The following KCNB2 variants were observed in gnomAD, a reference collection of about 807,000 sequenced individuals.
KCNB2 encodes delayed rectifier potassium channel protein.
KCNB2 carries 15 observed loss-of-function variants against 61.5 expected under a neutral mutation model. That is an observed-to-expected ratio of 0.24 (90% CI 0.16 to 0.38). The LOEUF is 0.38. Among genes scored for constraint, KCNB2 ranks in the 10% least tolerant of loss-of-function variants. KCNB2 has a pLI of 1.00. For missense variants in KCNB2, 828 were observed against 1,125.2 expected (o/e 0.74, Z 3.78); for synonymous variants, 457 against 446.0 (o/e 1.02, Z -0.31).
intron 2 of KCNB2, among the ~76,000 whole-genome samples, chr8:72,754,027 T>C (rs927341260): frequency 2.0e-5 from 3 of 152,042 alleles, no homozygotes; most frequent in Non-Finnish European, 4.4e-5. Flanking sequence ...AGAGTCTCCC[T>C]GGGAAAGTAC....
intron 2 of KCNB2, among the ~76,000 whole-genome samples, chr8:72,882,402 T>C (rs1460666305): frequency 1.3e-5 from 2 of 152,138 alleles, no homozygotes; most frequent in East Asian, 3.9e-4. Context: ...GAGGTCACAG[T>C]TCATCACGCG....
intron 2 of KCNB2, among the ~76,000 whole-genome samples, chr8:72,723,334 T>C (rs533015694): frequency 3.0e-4 from 46 of 152,270 alleles, no homozygotes; most frequent in African/African-American, 7.5e-4. Flanking sequence ...TAAAATGGGG[T>C]AACACTAGAA....
At chr8:72,716,598 A>G (rs1167203734) in intron 2 of KCNB2, among the ~76,000 whole-genome samples, 1 of 151,002 alleles carries the variant, frequency 6.6e-6, no homozygotes, top group Non-Finnish European at 1.5e-5. Flanking sequence ...AAAGGCCTTT[A>G]ACAAAATTCA....
intron 2 of KCNB2, among the ~76,000 whole-genome samples, chr8:72,821,845 C>T (rs1308701321): frequency 6.6e-6 from 1 of 152,122 alleles, no homozygotes; most frequent in African/African-American, 2.4e-5. Context: ...GAGGGAAGGA[C>T]GGAGACAGAG....
chr8:72,830,858 C>T (rs1809682024), intron 2 of KCNB2, among the ~76,000 whole-genome samples: 1 of 152,206 alleles, frequency 6.6e-6, no homozygotes, highest in Admixed American at 6.5e-5. Flanking sequence ...ACACGAGGCT[C>T]ATGCCTGATC....
At chr8:72,601,912 A>C (rs550407708) in intron 2 of KCNB2, among the ~76,000 whole-genome samples, 1 of 152,360 alleles carries the variant, frequency 6.6e-6, no homozygotes, top group East Asian at 1.9e-4. Context: ...GAAGCTCCAC[A>C]GGCCTGCACA....
intron 2 of KCNB2, among the ~76,000 whole-genome samples, chr8:72,753,007 A>G (rs759256319): frequency 1.7e-4 from 26 of 152,216 alleles, no homozygotes; most frequent in Non-Finnish European, 3.5e-4. Context: ...ACCTCAGTCT[A>G]TGAATCAAAA....
intron 2 of KCNB2, among the ~76,000 whole-genome samples, chr8:72,843,027 T>G (rs1298657925): frequency 6.6e-6 from 1 of 152,170 alleles, no homozygotes; most frequent in Non-Finnish European, 1.5e-5. Context: ...ATTGTGACAT[T>G]AGGGTGTCAA....
At chr8:72,664,176 AGC>A (rs1806427739) in intron 2 of KCNB2, among the ~76,000 whole-genome samples, 1 of 152,206 alleles carries the variant, frequency 6.6e-6, no homozygotes, top group Non-Finnish European at 1.5e-5. Context: ...GTCTTTGTCC[AGC>A]GGATACCCTG....
intron 2 of KCNB2, among the ~76,000 whole-genome samples, chr8:72,741,175 T>C (rs1473993760): frequency 6.6e-6 from 1 of 152,190 alleles, no homozygotes; most frequent in African/African-American, 2.4e-5. Flanking sequence ...AAGACCAGAT[T>C]TGGAGCCTGC....
intron 2 of KCNB2, among the ~76,000 whole-genome samples, chr8:72,593,191 T>C (rs1196105229): frequency 6.6e-6 from 1 of 152,218 alleles, no homozygotes; most frequent in Admixed American, 6.5e-5. Context: ...CTACATCCTT[T>C]AAAGTTTGTG....
chr8:72,936,801 C>A lies in KCNB2; in HGVS notation c.1446C>A (p.Ala482=). The part of the protein sequence containing the change: ...AGESANTKDS[A]DDNHLSPSRW... ...AGTCCGCCAACACAAAGGACTCCGCCGACGATAATCACCTGTCGCCAAGCC... is the reference window on the plus strand; with the variant it reads ...AGTCCGCCAACACAAAGGACTCCGCAGACGATAATCACCTGTCGCCAAGCC... Residue 482 remains alanine, a synonymous_variant, in exon 3 of 3, where the codon GCC becomes GCA. Coordinates refer to ENST00000523207, the MANE Select transcript of KCNB2 (RefSeq NM_004770.3). The surrounding 1 kb of genome is among the most constrained non-coding windows in gnomAD (Gnocchi z 5.6). 1 of 1,614,084 alleles carries A rather than the reference C, an allele frequency of 6.2e-7. No homozygotes were observed. Among genetic ancestry groups the A allele is most frequent in the Non-Finnish European group, 8.5e-7 (1 of 1,180,016 alleles).
chr8:72,703,026 T>G (rs150434795), intron 2 of KCNB2, among the ~76,000 whole-genome samples: 58 of 152,300 alleles, frequency 3.8e-4, no homozygotes, highest in African/African-American at 1.2e-3. Flanking sequence ...TTAAGAAAGC[T>G]TTTAGGTTTG....
chr8:72,700,200 T>C (rs1420759284), intron 2 of KCNB2, among the ~76,000 whole-genome samples: 1 of 151,522 alleles, frequency 6.6e-6, no homozygotes, highest in Non-Finnish European at 1.5e-5. Context: ...TGTTGGGGTT[T>C]GGGGGGCAAG....
intron 2 of KCNB2, among the ~76,000 whole-genome samples, chr8:72,732,991 A>T (rs1350569920): frequency 6.9e-6 from 1 of 145,830 alleles, no homozygotes; most frequent in Non-Finnish European, 1.5e-5. Flanking sequence ...TGAAGATGCT[A>T]AAAAAAAAAA....
At chr8:72,635,642 G>A (rs1805953503) in intron 2 of KCNB2, among the ~76,000 whole-genome samples, 1 of 152,160 alleles carries the variant, frequency 6.6e-6, no homozygotes. Context: ...GTTTTCATAG[G>A]ATGGAGGTCC....
chr8:72,786,619 A>G (rs571427371), intron 2 of KCNB2, among the ~76,000 whole-genome samples: 2 of 152,170 alleles, frequency 1.3e-5, no homozygotes, highest in African/African-American at 4.8e-5. Context: ...GAGCATTGCT[A>G]TCTCAATACT....
intron 2 of KCNB2, among the ~76,000 whole-genome samples, chr8:72,597,164 C>A (rs1807211971): frequency 6.6e-6 from 1 of 151,808 alleles, no homozygotes; most frequent in Admixed American, 6.6e-5. Flanking sequence ...GCTGGGACTA[C>A]AGGCGCACGC....
chr8:72,903,578 CT>C (rs1277499102), intron 2 of KCNB2, among the ~76,000 whole-genome samples: 1 of 152,068 alleles, frequency 6.6e-6, no homozygotes, highest in Non-Finnish European at 1.5e-5. Flanking sequence ...GAGACCTTGG[CT>C]CAAAAATAAA....
Sources: allele counts gnomAD v4.1 joint callset (sites outside exome capture counted in the v4.1 genomes callset), GRCh38; gene constraint gnomAD v4.1.1; non-coding constraint Gnocchi (gnomAD v3.1); transcripts MANE v1.5; gene names NCBI Gene and HGNC (gene_info 2026-07-23, HGNC 2026-07-21).